The following FER variants were observed in gnomAD, a reference collection of about 807,000 sequenced individuals.
FER encodes the protein FER tyrosine kinase, also known as tyrosine-protein kinase Fer.
Under a neutral mutation model 111.0 loss-of-function variants are expected in FER, and 63 were observed. The observed-to-expected ratio is 0.57, with a 90% CI of 0.46 to 0.70. The LOEUF (loss-of-function observed/expected upper bound fraction) is 0.70. FER is among the 30% of genes least tolerant of loss of function. FER has a pLI of 0.00. For missense variants in FER, 914 were observed against 954.0 expected (o/e 0.96, Z 0.55); for synonymous variants, 327 against 313.9 (o/e 1.04, Z -0.44).
At chr5:108,901,246 T>A (rs1167373757) in intron 10 of FER, among the ~76,000 whole-genome samples, 1 of 152,156 alleles carries the variant, frequency 6.6e-6, no homozygotes, top group Non-Finnish European at 1.5e-5. Context: ...TTCTTTTTTT[T>A]TTCCTTCACA....
At chr5:109,098,283 A>G (rs2150060465) in intron 16 of FER, among the ~76,000 whole-genome samples, 1 of 151,968 alleles carries the variant, frequency 6.6e-6, no homozygotes, top group East Asian at 1.9e-4. Context: ...TTATTTGTTA[A>G]ATAATTTGTT....
chr5:108,808,607 T>C (rs2150070955), intron 3 of FER, among the ~76,000 whole-genome samples: 1 of 152,172 alleles, frequency 6.6e-6, no homozygotes, highest in East Asian at 1.9e-4. Flanking sequence ...ATATTAATAT[T>C]AATATTAATA....
At chr5:109,086,811 A>T (rs1294020893) in intron 16 of FER, among the ~76,000 whole-genome samples, 1 of 151,298 alleles carries the variant, frequency 6.6e-6, no homozygotes, top group Non-Finnish European at 1.5e-5. Flanking sequence ...CAAAGTACCA[A>T]GTGACTTAAC....
chr5:109,036,667 TCCTC>T (rs1770447729), intron 13 of FER, among the ~76,000 whole-genome samples: 1 of 152,014 alleles, frequency 6.6e-6, no homozygotes, highest in African/African-American at 2.4e-5. Context: ...TCCTTTTTAT[TCCTC>T]CCTTCCTTTT....
At chr5:108,754,061 A>G (rs763130975) in intron 1 of FER, among the ~76,000 whole-genome samples, 6 of 152,168 alleles carry the variant, frequency 3.9e-5, no homozygotes, top group Non-Finnish European at 7.3e-5. Context: ...ATTGAGAGTG[A>G]CATCATTATG....
At chr5:109,069,479 A>G (rs1463463296) in intron 16 of FER, among the ~76,000 whole-genome samples, 1 of 152,202 alleles carries the variant, frequency 6.6e-6, no homozygotes. Flanking sequence ...GCTGAGACAC[A>G]TAGGAAACCA....
At chr5:108,942,651 C>A (rs142862251) in intron 10 of FER, among the ~76,000 whole-genome samples, 1 of 152,216 alleles carries the variant, frequency 6.6e-6, no homozygotes, top group East Asian at 1.9e-4. Context: ...TTGTGCCCAG[C>A]AAATCAGCAT....
At chr5:108,806,171 G>A (rs920962686) in intron 3 of FER, among the ~76,000 whole-genome samples, 58 of 152,206 alleles carry the variant, frequency 3.8e-4, no homozygotes, top group Non-Finnish European at 4.7e-4. Context: ...TGGCTTCAGA[G>A]GGTGCAAGCT....
intron 1 of FER, among the ~76,000 whole-genome samples, chr5:108,766,329 A>G (rs1561385811): frequency 6.6e-6 from 1 of 152,242 alleles, no homozygotes; most frequent in Non-Finnish European, 1.5e-5. Flanking sequence ...AAAGTGTACA[A>G]ATCAGAGGAA....
chr5:108,769,044 C>T (rs1309937668), intron 2 of FER, among the ~76,000 whole-genome samples: 1 of 152,148 alleles, frequency 6.6e-6, no homozygotes, highest in Non-Finnish European at 1.5e-5. Flanking sequence ...CCAGGCTCTT[C>T]TCAAACTCCT....
intron 10 of FER, among the ~76,000 whole-genome samples, chr5:108,899,784 A>C (rs368198746): frequency 5.5e-4 from 84 of 151,964 alleles, no homozygotes; most frequent in African/African-American, 1.8e-3. Context: ...AGCCTGGTGA[A>C]AGGGCAAGAC....
intron 17 of FER, among the ~76,000 whole-genome samples, chr5:109,165,809 G>T (rs1471145965): frequency 6.6e-6 from 1 of 152,112 alleles, no homozygotes; most frequent in Non-Finnish European, 1.5e-5. Flanking sequence ...AAAGTAAGGT[G>T]GAACTTGGCT....
At chr5:108,760,623 C>T (rs1751626165) in intron 1 of FER, among the ~76,000 whole-genome samples, 1 of 152,194 alleles carries the variant, frequency 6.6e-6, no homozygotes, top group African/African-American at 2.4e-5. Context: ...TTTCCTTCAG[C>T]CTCATGAATC....
intron 17 of FER, among the ~76,000 whole-genome samples, chr5:109,129,189 T>C (rs1174700826): frequency 6.6e-6 from 1 of 152,006 alleles, no homozygotes; most frequent in Non-Finnish European, 1.5e-5. Flanking sequence ...TACTCATACC[T>C]TATCTTATAA....
At chr5:108,749,648 G>A (rs1750232883) in intron 1 of FER, among the ~76,000 whole-genome samples, 1 of 152,040 alleles carries the variant, frequency 6.6e-6, no homozygotes, top group Non-Finnish European at 1.5e-5. Flanking sequence ...TTTCTCCTCC[G>A]GTCTTGGCCA....
intron 11 of FER, among the ~76,000 whole-genome samples, chr5:108,948,701 A>G (rs143651655): frequency 1.0e-3 from 158 of 152,170 alleles, no homozygotes; most frequent in Middle Eastern, 6.8e-3. Context: ...TGTCAAGAAT[A>G]TTGCCCTTTT....
intron 18 of FER, among the ~76,000 whole-genome samples, chr5:109,183,133 T>C (rs78061649): frequency 0.024 from 3,584 of 152,152 alleles, 63 homozygotes; most frequent in Non-Finnish European, 0.037. Context: ...TAGTATTTAA[T>C]ACCCAGTCCA....
chr5:108,796,930 C>T (rs1756091657), intron 2 of FER, among the ~76,000 whole-genome samples: 1 of 151,826 alleles, frequency 6.6e-6, no homozygotes, highest in Admixed American at 6.6e-5. Context: ...TTGTTTTTCT[C>T]AAGCAGAAGG....
chr5:109,055,351 G>A (rs907497045), intron 16 of FER, among the ~76,000 whole-genome samples: 2 of 152,110 alleles, frequency 1.3e-5, no homozygotes, highest in African/African-American at 4.8e-5. Context: ...CACAGCAAAG[G>A]AAACAATCAG....
Sources: gnomAD v4.1 joint callset for allele counts (sites outside exome capture counted in the v4.1 genomes callset) on GRCh38, gnomAD v4.1.1 for gene constraint, MANE v1.5 for transcripts, NCBI Gene and HGNC (gene_info 2026-07-23, HGNC 2026-07-21) for gene names.